Variants in CAMTA1 observed in about 807,000 individuals in gnomAD.
CAMTA1 encodes calmodulin binding transcription activator 1.
Under a neutral mutation model 170.9 loss-of-function variants are expected in CAMTA1, and 27 were observed. The observed-to-expected ratio is 0.16, with a 90% CI of 0.12 to 0.22. CAMTA1 has a LOEUF of 0.22. CAMTA1 is among the 10% of genes least tolerant of loss of function. The pLI is 1.00. For synonymous variants in CAMTA1, 833 were observed against 891.5 expected (o/e 0.93, Z 1.17); for missense variants, 1,619 against 2,217.2 (o/e 0.73, Z 5.42).
At chr1:7,297,481 C>G (rs1574503152) in intron 5 of CAMTA1, among the ~76,000 whole-genome samples, 2 of 152,224 alleles carry the variant, frequency 1.3e-5, no homozygotes, top group African/African-American at 4.8e-5. Context: ...GAATTCAAAG[C>G]TCTGCCAGCT....
At position 6,858,771 on chromosome 1, in the gene CAMTA1, G is replaced by A. The variant is rs190137655; in HGVS notation, c.234+33561G>A. ...TGCTGAGTCTTATGCTTTTATATGA[G>A]GACCCCAGTGTCGTAACTTTGCCAT... On this transcript the variant is annotated intron_variant, in intron 3 of 22. Coordinates refer to ENST00000303635, the MANE Select transcript of CAMTA1 (RefSeq NM_015215.4). Among the ~76,000 whole-genome samples, 300 of 152,144 alleles carry A rather than the reference G, an allele frequency of 2.0e-3. 1 individual carries two copies. Among genetic ancestry groups the A allele is most frequent in the African/African-American group, 7.0e-3 (289 of 41,496 alleles).
chr1:7,237,315 G>A (rs970416687), intron 4 of CAMTA1, among the ~76,000 whole-genome samples: 2 of 152,156 alleles, frequency 1.3e-5, no homozygotes, highest in Admixed American at 6.5e-5. Context: ...TGCTGCCTCC[G>A]GGCCAGGGCT....
rs183794381 is a variant in CAMTA1, at chr1:7,702,946, T to C, written c.2914+25213T>C. ...CACTGGTACATGCACCTTCCACCTATTGATTCCTTTAACTCCCGCACCATA... is the reference window on the plus strand; with the variant it reads ...CACTGGTACATGCACCTTCCACCTACTGATTCCTTTAACTCCCGCACCATA... On this transcript the variant is annotated intron_variant, in intron 11 of 22. Coordinates refer to ENST00000303635, the MANE Select transcript of CAMTA1 (RefSeq NM_015215.4). Among the ~76,000 whole-genome samples the C allele has an allele frequency of 2.3e-4, 35 of 152,270 alleles. No individual in the cohort carries two copies. The South Asian group carries it at 4.8e-3, about 21-fold the overall frequency.
Position 7,534,239 on chromosome 1 carries a change from A to G in CAMTA1, c.510+66338A>G, listed in dbSNP as rs541222172. 6.6e-6 allele frequency among the ~76,000 whole-genome samples: 1 copy of G among 152,302 alleles called. No individual in the cohort carries two copies. Among genetic ancestry groups the G allele is most frequent in the Non-Finnish European group, 1.5e-5 (1 of 68,030 alleles). ...CATTAGTCTTTCCTTTCCGTGAGAA[A>G]CATCATAACGTTCAGCAGAGCCCAG... is the stretch of plus-strand genomic sequence containing the variant. On this transcript the variant is annotated intron_variant, in intron 6 of 22. Transcript: ENST00000303635. This position sits in a 1 kb window ranked among gnomAD's most constrained non-coding sequence, Gnocchi z 5.6.
In CAMTA1 at chr1:7,064,268, C is replaced by T. The variant is rs549293689; in HGVS notation, c.235-27036C>T. Among the ~76,000 whole-genome samples the T allele has an allele frequency of 3.9e-5, 6 of 152,026 alleles. No homozygotes were observed. The highest frequency in any genetic ancestry group is 1.4e-4 in the African/African-American group (6 of 41,430). ...CTTGTTCTTTTCTTCCTCTTGTTCT[C>T]TCTCTCTCACTCTCTCCCTCCCTCC... On this transcript the variant is annotated intron_variant, in intron 3 of 22. Transcript: ENST00000303635. This position sits in a 1 kb window ranked among gnomAD's most constrained non-coding sequence, Gnocchi z 5.4.
At chr1:6,921,152 A>G (rs1681930718) in intron 3 of CAMTA1, among the ~76,000 whole-genome samples, 2 of 152,240 alleles carry the variant, frequency 1.3e-5, no homozygotes, top group Non-Finnish European at 2.9e-5. Context: ...CACATCTTGA[A>G]TGTTTTACTG....
At chr1:7,372,567 G>T (rs968020329) in intron 5 of CAMTA1, among the ~76,000 whole-genome samples, 1 of 152,212 alleles carries the variant, frequency 6.6e-6, no homozygotes, top group Admixed American at 6.5e-5. Context: ...TTATTACGTA[G>T]CCTTGCCCGT....
At chr1:7,493,643 TG>T (rs34756858) in intron 6 of CAMTA1, among the ~76,000 whole-genome samples, 28,575 of 144,448 alleles carry the variant, frequency 0.2, 3,556 homozygotes, top group Non-Finnish European at 0.28. Flanking sequence ...CCCAGGGAAC[TG>T]GGGGGGGGGG....
intron 7 of CAMTA1, among the ~76,000 whole-genome samples, chr1:7,661,412 C>T (rs960661191): frequency 6.6e-6 from 1 of 152,220 alleles, no homozygotes; most frequent in Non-Finnish European, 1.5e-5. Context: ...TTCCAGCACC[C>T]CTGGAAGAGC....
intron 5 of CAMTA1, among the ~76,000 whole-genome samples, chr1:7,324,073 G>A (rs1678902918): frequency 1.3e-5 from 2 of 152,144 alleles, no homozygotes; most frequent in African/African-American, 4.8e-5. Context: ...CAAGCACTAA[G>A]ACATGTATAT....
chr1:7,454,555 G>C (rs1394767632), intron 5 of CAMTA1, among the ~76,000 whole-genome samples: 1 of 152,196 alleles, frequency 6.6e-6, no homozygotes, highest in Middle Eastern at 3.2e-3. Context: ...GTCTGGCTTA[G>C]TGCCCAAACT....
chr1:7,194,343 G>A (rs1558231666), intron 4 of CAMTA1, among the ~76,000 whole-genome samples: 1 of 151,026 alleles, frequency 6.6e-6, no homozygotes, highest in African/African-American at 2.4e-5. Context: ...CCACAGCTTT[G>A]AGTGCAGCTG....
At chr1:6,979,964 C>T (rs901578259) in intron 3 of CAMTA1, among the ~76,000 whole-genome samples, 1 of 152,134 alleles carries the variant, frequency 6.6e-6, no homozygotes, top group Non-Finnish European at 1.5e-5. Flanking sequence ...GGGGGAGTCT[C>T]AGTGCTGTGA....
chr1:7,262,379 T>C (rs1668305534), intron 5 of CAMTA1, among the ~76,000 whole-genome samples: 1 of 152,070 alleles, frequency 6.6e-6, no homozygotes, highest in Non-Finnish European at 1.5e-5. Flanking sequence ...CTAGCCAACA[T>C]GGTGAAACCC....
At chr1:6,786,251 C>T (rs918559577) in intron 1 of CAMTA1, among the ~76,000 whole-genome samples, 1 of 151,972 alleles carries the variant, frequency 6.6e-6, no homozygotes, top group Admixed American at 6.5e-5. Flanking sequence ...ACCCCTCCCC[C>T]TTCGCTTCCC....
chr1:7,166,097 C>T (rs1018956236), intron 4 of CAMTA1, among the ~76,000 whole-genome samples: 4 of 151,272 alleles, frequency 2.6e-5, no homozygotes, highest in South Asian at 2.1e-4. Context: ...GATGGGGTCT[C>T]GCTCTGTCGC....
At chr1:7,320,671 T>C (rs1678265623) in intron 5 of CAMTA1, among the ~76,000 whole-genome samples, 1 of 150,244 alleles carries the variant, frequency 6.7e-6, no homozygotes, top group Admixed American at 6.6e-5. Context: ...TTTTTTTTTT[T>C]TTTGCTATCT....
At chr1:6,803,979 T>C (rs993397354) in intron 1 of CAMTA1, among the ~76,000 whole-genome samples, 2 of 151,944 alleles carry the variant, frequency 1.3e-5, no homozygotes, top group African/African-American at 4.8e-5. Context: ...GGTCAGGAGT[T>C]CCAGACCAGC....
chr1:7,354,719 C>T (rs1156739887), intron 5 of CAMTA1, among the ~76,000 whole-genome samples: 1 of 152,218 alleles, frequency 6.6e-6, no homozygotes, highest in Admixed American at 6.5e-5. Context: ...TGCAACCTCA[C>T]CAGCATCTGT....
Sources: allele counts gnomAD v4.1 joint callset (sites outside exome capture counted in the v4.1 genomes callset), GRCh38; gene constraint gnomAD v4.1.1; non-coding constraint Gnocchi (gnomAD v3.1); transcripts MANE v1.5; gene names NCBI Gene and HGNC (gene_info 2026-07-23, HGNC 2026-07-21).